Variants in TMEM62 observed in about 807,000 individuals in gnomAD.
TMEM62 encodes the protein transmembrane protein 62.
A neutral mutation model predicts 70.4 loss-of-function variants in TMEM62; 41 were observed. The observed-to-expected ratio is 0.58, with a 90% confidence interval of 0.45 to 0.76. The LOEUF (loss-of-function observed/expected upper bound fraction) is 0.76. TMEM62 is among the 30% of genes least tolerant of loss of function. The pLI, the probability that TMEM62 is intolerant of heterozygous loss-of-function variation, is 0.00. For synonymous variants in TMEM62, 268 were observed against 291.0 expected, an observed-to-expected ratio of 0.92 and a Z score of 0.80; for missense variants, 688 against 788.5, an observed-to-expected ratio of 0.87 and a Z score of 1.53.
At chr15:43,142,191 AGGCT>A (rs1197038275) in intron 4 of TMEM62, among the ~76,000 whole-genome samples, 14 of 123,314 alleles carry the variant, frequency 1.1e-4, no homozygotes, top group African/African-American at 4.4e-4. Context: ...TTTGAGATGG[AGGCT>A]TGCTCTGTCA....
chr15:43,158,189 T>C lies in TMEM62; in HGVS notation c.1183-2492T>C, dbSNP rs143616265. 1.8e-4 allele frequency among the ~76,000 whole-genome samples: 28 copies of C among 152,344 alleles called. No individual in the cohort carries two copies. In the East Asian group the frequency reaches 5.2e-3, roughly 28 times the overall value. On this transcript the variant is annotated intron_variant, in intron 9 of 13. Transcript: ENST00000260403. ...CATCAGATTTACATCTGTTTGTTTT[T>C]TGGCAAGAGTACTTTATCTGGTTTT...
chr15:43,183,612 T>A (rs2041593828), intron 13 of TMEM62, among the ~76,000 whole-genome samples: 1 of 152,200 alleles, frequency 6.6e-6, no homozygotes, highest in Admixed American at 6.5e-5. Context: ...CTTTCCTTCA[T>A]TGAACTAATC....
At chr15:43,167,698 C>G (rs1257589212) in intron 10 of TMEM62, among the ~76,000 whole-genome samples, 1 of 152,114 alleles carries the variant, frequency 6.6e-6, no homozygotes, top group South Asian at 2.1e-4. Context: ...CAGGCAGAGA[C>G]GCTCCTCACT....
chr15:43,180,218 G>T lies in TMEM62; in HGVS notation c.1487-963G>T, dbSNP rs187379574. ...GCTCACTGCAGCCTCTGCCTCCTGG[G>T]TTCAAACAATTCTCCTACCTCAGCC... On this transcript the variant is annotated intron_variant, in intron 12 of 13. Coordinates refer to ENST00000260403, the MANE Select transcript of TMEM62 (RefSeq NM_024956.4). 2.1e-3 allele frequency among the ~76,000 whole-genome samples: 320 copies of T among 152,200 alleles called. 1 individual carries two copies. In the Middle Eastern group the frequency reaches 0.037, roughly 18 times the overall value.
intron 11 of TMEM62, among the ~76,000 whole-genome samples, chr15:43,176,468 G>A (rs1596349584): frequency 1.3e-5 from 2 of 152,156 alleles, no homozygotes; most frequent in African/African-American, 4.8e-5. Flanking sequence ...ACACGGCCGG[G>A]TACTCCTCTG....
chr15:43,134,451 G>A, intron 2 of TMEM62, 83 bp downstream of exon 2: 1 of 1,120,458 alleles, frequency 8.9e-7, no homozygotes, highest in Admixed American at 1.8e-5. Flanking sequence ...TTCATTTTGG[G>A]GACGTTGGGA....
chr15:43,144,032 C>T (rs372248646), intron 4 of TMEM62, among the ~76,000 whole-genome samples: 20 of 151,802 alleles, frequency 1.3e-4, no homozygotes, highest in African/African-American at 2.2e-4. Context: ...AAGAAATGGC[C>T]GAGGAAATGC....
chr15:43,137,424 T>A (rs1179563170), intron 3 of TMEM62, among the ~76,000 whole-genome samples: 1 of 152,266 alleles, frequency 6.6e-6, no homozygotes, highest in Non-Finnish European at 1.5e-5. Flanking sequence ...TTCTAGATAA[T>A]CTGAATTTTG....
At chr15:43,179,089 C>A (rs1021413176) in intron 12 of TMEM62, among the ~76,000 whole-genome samples, 1 of 152,082 alleles carries the variant, frequency 6.6e-6, no homozygotes, top group Non-Finnish European at 1.5e-5. Context: ...TGTTTATTAT[C>A]TATTAACTCA....
intron 10 of TMEM62, among the ~76,000 whole-genome samples, chr15:43,161,485 G>C (rs2038692106): frequency 6.6e-6 from 1 of 152,082 alleles, no homozygotes; most frequent in Non-Finnish European, 1.5e-5. Context: ...GCTCAGTGTA[G>C]AAAACTTGGA....
Position 43,176,187 on chromosome 15 carries a change from G to A in TMEM62, c.1382-2420G>A, listed in dbSNP as rs545112956. Among the ~76,000 whole-genome samples the A allele has an allele frequency of 6.7e-4, 102 of 152,370 alleles. No individual in the cohort carries two copies. In the South Asian group the frequency reaches 0.019, roughly 28 times the overall value. ...GGTAAACAAAGCAGCCGGGAAGCTC[G>A]AACTGGGTGGAGCCCACCACAGCTC... On this transcript the variant is annotated intron_variant, in intron 11 of 13. Coordinates refer to ENST00000260403, the MANE Select transcript of TMEM62 (RefSeq NM_024956.4).
chr15:43,172,578 CT>C (rs2040307151), intron 11 of TMEM62, among the ~76,000 whole-genome samples: 1 of 152,054 alleles, frequency 6.6e-6, no homozygotes, highest in Non-Finnish European at 1.5e-5. Flanking sequence ...GTTTTGTGAC[CT>C]TTTGGTCAAA....
chr15:43,133,780 C>T lies in TMEM62; in HGVS notation c.-23C>T. On this transcript the variant is annotated 5_prime_UTR_variant, in exon 1 of 14. Transcript: ENST00000260403. ...CGGTCCTGCGCGGGATCAGCGAGGGCCGCGCCCCGGCGGGCGGGCGGCATG... is the reference window on the plus strand; with the variant it reads ...CGGTCCTGCGCGGGATCAGCGAGGGTCGCGCCCCGGCGGGCGGGCGGCATG... 1 of 1,347,946 alleles carries T rather than the reference C, an allele frequency of 7.4e-7. No individual in the cohort carries two copies. The highest frequency in any genetic ancestry group is 1.9e-5 in the South Asian group (1 of 52,024). 83.5% of individuals were successfully genotyped at this position (1,347,946 alleles called of 1,614,324 possible). A position where few individuals can be genotyped will look rare whatever the true frequency, so the allele number is the denominator to read the frequency against.
intron 11 of TMEM62, 150 bp from the exon 12 acceptor site, chr15:43,178,457 A>G: frequency 4.1e-6 from 2 of 488,466 alleles, no homozygotes; most frequent in Non-Finnish European, 7.2e-6. Context: ...CCAAATTCTG[A>G]ATTTAAAGTG....
At chr15:43,145,021 T>C (rs534753755) in intron 4 of TMEM62, among the ~76,000 whole-genome samples, 58 of 141,754 alleles carry the variant, frequency 4.1e-4, no homozygotes, top group African/African-American at 1.4e-3. Flanking sequence ...CTTAAAAATG[T>C]CCCAGAGAGG....
chr15:43,155,819 G>T (rs943019181), intron 9 of TMEM62, among the ~76,000 whole-genome samples: 23 of 152,154 alleles, frequency 1.5e-4, no homozygotes, highest in African/African-American at 5.6e-4. Flanking sequence ...AAAGCTTCAG[G>T]ACACAGAATT....
chr15:43,135,439 T>C (rs2035074768), intron 2 of TMEM62, 73 bp from the exon 3 acceptor site: 9 of 1,474,802 alleles, frequency 6.1e-6, no homozygotes, highest in African/African-American at 4.2e-5. Context: ...TCCTTCAGTG[T>C]ACATATCTAA....
chr15:43,159,073 T>G (rs1414746505), intron 9 of TMEM62, among the ~76,000 whole-genome samples: 1 of 152,188 alleles, frequency 6.6e-6, no homozygotes, highest in Non-Finnish European at 1.5e-5. Flanking sequence ...CTTATGCATT[T>G]TTTTCTTTAA....
rs2141410295 is a variant in TMEM62 at position 43,133,665 on chromosome 15, C to T, written c.-138C>T. On this transcript the variant is annotated 5_prime_UTR_variant, in exon 1 of 14. Transcript: ENST00000260403. ...CCTAGGCCCAGTGTCTGGCTCCAGC[C>T]CCGCATCCGGCGCCGGCCCCGCATC... 1.7e-6 allele frequency: 1 copy of T among 589,190 alleles called. No homozygotes were observed. 36.5% of individuals were successfully genotyped at this position (589,190 alleles called of 1,614,324 possible).
Sources: allele counts gnomAD v4.1 joint callset (sites outside exome capture counted in the v4.1 genomes callset), GRCh38; gene constraint gnomAD v4.1.1; transcripts MANE v1.5; gene names NCBI Gene and HGNC (gene_info 2026-07-23, HGNC 2026-07-21).